PGAP4: variants seen among roughly 807,000 people sequenced by gnomAD.
The protein encoded by PGAP4 is post-GPI attachment to proteins GalNAc transferase 4, also known as GPI-N-acetylgalactosamine transferase PGAP4.
Under a neutral mutation model 28.2 loss-of-function variants are expected in PGAP4, and 12 were observed. That is an observed-to-expected ratio of 0.42 (90% CI 0.27 to 0.69). PGAP4 has a LOEUF of 0.69. Among genes scored for constraint, PGAP4 ranks in the 30% least tolerant of loss-of-function variants. The pLI is 0.22. For missense variants in PGAP4, 425 were observed against 513.5 expected (o/e 0.83, Z 1.67); for synonymous variants, 205 against 211.8 (o/e 0.97, Z 0.28).
intron 2 of PGAP4, among the ~76,000 whole-genome samples, chr9:101,525,322 G>C (rs1336096745): frequency 1.3e-5 from 2 of 152,054 alleles, no homozygotes; most frequent in Non-Finnish European, 2.9e-5. Context: ...AGAGTGAATA[G>C]GAGATGAGGA....
Position 101,473,508 on chromosome 9 carries a change from C to T in PGAP4, c.*2373G>A, listed in dbSNP as rs761176905. The T allele has an allele frequency of 6.6e-6, 1 of 152,384 alleles. No homozygotes were observed. The highest frequency in any genetic ancestry group is 1.9e-4 in the East Asian group (1 of 5,182). The allele number at this position is 152,384 out of a possible 1,614,324, so 9.4% of individuals were successfully genotyped here. Reference sequence around the variant, plus strand: ...AGTGGGTGGGAACAAAAGAGCAGAACTGAGCCTGCATCTGCAGAAAATGTC... The same window carrying T: ...AGTGGGTGGGAACAAAAGAGCAGAATTGAGCCTGCATCTGCAGAAAATGTC... On this transcript the variant is annotated 3_prime_UTR_variant, in exon 2 of 2. Coordinates refer to ENST00000374848, the MANE Select transcript of PGAP4 (RefSeq NM_032342.3).
rs530218471 is a variant in PGAP4, at chr9:101,523,499, G to C, written c.-165+7849C>G. On this transcript the variant is annotated intron_variant, in intron 2 of 3. Transcript: ENST00000374851. Reference sequence around the variant, plus strand: ...TTCTACTTGGTTCAATTCTATTGTTGAGACTTTCCTGAGCATTTCACATTT... The same window carrying C: ...TTCTACTTGGTTCAATTCTATTGTTCAGACTTTCCTGAGCATTTCACATTT... 5.1e-4 allele frequency among the ~76,000 whole-genome samples: 76 copies of C among 149,666 alleles called. 1 individual carries two copies. The highest frequency in any genetic ancestry group is 1.8e-3 in the African/African-American group (72 of 40,886).
At chr9:101,518,016 C>T (rs921531749) in intron 2 of PGAP4, among the ~76,000 whole-genome samples, 2 of 152,042 alleles carry the variant, frequency 1.3e-5, no homozygotes, top group Non-Finnish European at 2.9e-5. Context: ...CAATAGGTCA[C>T]CCCTCAGACC....
At position 101,527,994 on chromosome 9, in the gene PGAP4, C is replaced by T. The variant is rs1485779474; in HGVS notation, c.-165+3354G>A. 2.6e-5 allele frequency among the ~76,000 whole-genome samples: 4 copies of T among 152,134 alleles called. No individual in the cohort carries two copies. The East Asian group carries it at 7.7e-4, about 29-fold the overall frequency. On this transcript the variant is annotated intron_variant, in intron 2 of 3. Coordinates refer to the PGAP4 transcript ENST00000374851. ...GCTCCAAGGGTAAGTTAGGGTGTGCCTGGGTGTGCCTAATTAGGTACTGTT... is the reference window on the plus strand; with the variant it reads ...GCTCCAAGGGTAAGTTAGGGTGTGCTTGGGTGTGCCTAATTAGGTACTGTT...
At chr9:101,510,851 A>T (rs550852381) in intron 2 of PGAP4, among the ~76,000 whole-genome samples, 1 of 152,186 alleles carries the variant, frequency 6.6e-6, no homozygotes, top group Non-Finnish European at 1.5e-5. Flanking sequence ...CACCAGATGC[A>T]GCTATACAAT....
At chr9:101,524,373 T>C (rs1038334793) in intron 2 of PGAP4, among the ~76,000 whole-genome samples, 1 of 152,066 alleles carries the variant, frequency 6.6e-6, no homozygotes, top group Non-Finnish European at 1.5e-5. Context: ...GAGGGCTATA[T>C]GGCTTGAAAA....
chr9:101,488,658 C>T (rs1259956731), upstream of PGAP4, among the ~76,000 whole-genome samples: 1 of 152,174 alleles, frequency 6.6e-6, no homozygotes, highest in African/African-American at 2.4e-5. Context: ...ATGTTCCAGG[C>T]AATGTCTGTG....
At chr9:101,478,769 T>C (rs1032741682) in intron 1 of PGAP4, among the ~76,000 whole-genome samples, 2 of 152,168 alleles carry the variant, frequency 1.3e-5, no homozygotes, top group African/African-American at 4.8e-5. Flanking sequence ...TATCCCAGTG[T>C]TGGGACGGCA....
intron 1 of PGAP4, 116 bp from the exon 2 acceptor site, chr9:101,477,285 A>G: frequency 1.5e-6 from 1 of 684,076 alleles, no homozygotes; most frequent in Non-Finnish European, 2.2e-6. Context: ...CAGAAATTAT[A>G]ATAGGAGGCT....
chr9:101,510,870 C>T (rs1264043324), intron 2 of PGAP4, among the ~76,000 whole-genome samples: 1 of 151,986 alleles, frequency 6.6e-6, no homozygotes, highest in Non-Finnish European at 1.5e-5. Context: ...ATTGAAGTAC[C>T]TCAACTTACT....
chr9:101,515,231 C>T (rs560801425), intron 2 of PGAP4, among the ~76,000 whole-genome samples: 4 of 152,252 alleles, frequency 2.6e-5, no homozygotes, highest in Admixed American at 2.0e-4. Context: ...CTAGAGGCTG[C>T]TGCATCCTTG....
chr9:101,488,726 A>G (rs937960684), upstream of PGAP4, among the ~76,000 whole-genome samples: 1 of 152,218 alleles, frequency 6.6e-6, no homozygotes, highest in Non-Finnish European at 1.5e-5. Context: ...ATTAATTAAA[A>G]TTAAATAAAA....
chr9:101,490,309 C>T (rs1231798390), upstream of PGAP4, among the ~76,000 whole-genome samples: 2 of 152,198 alleles, frequency 1.3e-5, no homozygotes, highest in South Asian at 4.1e-4. Context: ...CATGCCTCAG[C>T]CTCCCGAGTA....
chr9:101,509,043 G>A (rs1307841195), intron 2 of PGAP4, among the ~76,000 whole-genome samples: 1 of 152,184 alleles, frequency 6.6e-6, no homozygotes, highest in Non-Finnish European at 1.5e-5. Flanking sequence ...TAAGGCCACT[G>A]TCACTTGCAG....
intron 2 of PGAP4, among the ~76,000 whole-genome samples, chr9:101,526,417 C>T (rs985296394): frequency 7.2e-5 from 11 of 152,148 alleles, no homozygotes; most frequent in East Asian, 5.8e-4. Context: ...CTCTATTACC[C>T]TGGCATCCAG....
chr9:101,499,600 G>T (rs1826780476), intron 2 of PGAP4, among the ~76,000 whole-genome samples: 2 of 152,036 alleles, frequency 1.3e-5, no homozygotes, highest in South Asian at 2.1e-4. Flanking sequence ...CCATTTTGAG[G>T]TTGGACAGGC....
chr9:101,521,722 T>C (rs1255863385), intron 2 of PGAP4, among the ~76,000 whole-genome samples: 1 of 152,170 alleles, frequency 6.6e-6, no homozygotes, highest in Non-Finnish European at 1.5e-5. Flanking sequence ...TTAGTTCTAC[T>C]CTGATCTTGG....
At chr9:101,497,846 A>G (rs1184460040) in intron 2 of PGAP4, among the ~76,000 whole-genome samples, 1 of 151,804 alleles carries the variant, frequency 6.6e-6, no homozygotes, top group Non-Finnish European at 1.5e-5. Context: ...ATGTAGACAC[A>G]ACATACAACA....
At chr9:101,499,430 G>A (rs1826779067) in intron 2 of PGAP4, among the ~76,000 whole-genome samples, 1 of 151,920 alleles carries the variant, frequency 6.6e-6, no homozygotes, top group Non-Finnish European at 1.5e-5. Context: ...GTGTATTTGG[G>A]AATAGAACAT....
Sources: gnomAD v4.1 joint callset for allele counts (sites outside exome capture counted in the v4.1 genomes callset) on GRCh38, gnomAD v4.1.1 for gene constraint, MANE v1.5 for transcripts, NCBI Gene and HGNC (gene_info 2026-07-23, HGNC 2026-07-21) for gene names.